The following LRMDA variants were observed in gnomAD, a reference collection of about 807,000 sequenced individuals.
LRMDA encodes the protein leucine-rich melanocyte differentiation-associated protein.
In LRMDA, 18 loss-of-function variants were observed where a neutral mutation model predicts 29.8. That is an observed-to-expected ratio of 0.60 (90% confidence interval 0.42 to 0.90). The LOEUF (loss-of-function observed/expected upper bound fraction) is 0.90. Among genes scored for constraint, LRMDA ranks in the 40% least tolerant of loss-of-function variants. LRMDA has a pLI of 0.00. For missense variants in LRMDA, 273 were observed against 273.9 expected (o/e 1.00, Z 0.02); for synonymous variants, 125 against 109.4 (o/e 1.14, Z -0.89).
chr10:75,483,843 A>T (rs1480947676), intron 2 of LRMDA, among the ~76,000 whole-genome samples: 1 of 129,878 alleles, frequency 7.7e-6, no homozygotes, highest in Non-Finnish European at 1.7e-5. Flanking sequence ...TTCCTTCTGT[A>T]ATTGCATTGG....
rs1216185024 is a variant in LRMDA at position 76,298,092 on chromosome 10, T to C, written c.517-26309T>C. Among the ~76,000 whole-genome samples, 3 of 152,368 alleles carry C rather than the reference T, an allele frequency of 2.0e-5. No individual in the cohort carries two copies. The East Asian group carries it at 5.8e-4, about 29-fold the overall frequency. ...CTGGTGCCATGCAGCCAGCCCACCA[T>C]GCATGCCTTGCGAGCAACAAAAGCA... On this transcript the variant is annotated intron_variant, in intron 5 of 6. Transcript: ENST00000611255.
At chr10:76,098,306 G>A (rs1182534720) in intron 5 of LRMDA, among the ~76,000 whole-genome samples, 1 of 152,110 alleles carries the variant, frequency 6.6e-6, no homozygotes, top group African/African-American at 2.4e-5. Flanking sequence ...TAGACATGTA[G>A]TTTTTTATCA....
intron 2 of LRMDA, among the ~76,000 whole-genome samples, chr10:75,954,098 C>G (rs1349671028): frequency 6.6e-6 from 1 of 152,230 alleles, no homozygotes; most frequent in Non-Finnish European, 1.5e-5. Flanking sequence ...AGCCAGCAGC[C>G]AGCAAGGAGT....
chr10:76,505,457 T>A (rs116183470), intron 6 of LRMDA, among the ~76,000 whole-genome samples: 1 of 152,114 alleles, frequency 6.6e-6, no homozygotes, highest in Non-Finnish European at 1.5e-5. Context: ...TTGTTCATTT[T>A]TTAAAAATTA....
chr10:76,038,684 A>T (rs1848292807), intron 3 of LRMDA, among the ~76,000 whole-genome samples: 1 of 151,898 alleles, frequency 6.6e-6, no homozygotes, highest in Non-Finnish European at 1.5e-5. Flanking sequence ...CAGCTAAATG[A>T]CTCTCCTACC....
rs553709804 is a variant in LRMDA, at chr10:76,221,116, G to A, written c.517-103285G>A. ...TCAATAAATTAGGTATTGATGGGAC[G>A]TATCTCAAAATAATAAGAGCTATCT... On this transcript the variant is annotated intron_variant, in intron 5 of 6. Transcript: ENST00000611255. Among the ~76,000 whole-genome samples, 1,360 of 151,536 alleles carry A rather than the reference G, an allele frequency of 9.0e-3. 14 individuals are homozygous for A. Among genetic ancestry groups the A allele is most frequent in the Middle Eastern group, 0.031 (9 of 294 alleles).
At chr10:75,458,578 G>A (rs556453185) in intron 2 of LRMDA, among the ~76,000 whole-genome samples, 85 of 152,232 alleles carry the variant, frequency 5.6e-4, no homozygotes, top group African/African-American at 1.9e-3. Context: ...AAAGCCAAAC[G>A]TCAGAGTAAA....
At chr10:75,727,185 C>T (rs1842640851) in intron 2 of LRMDA, among the ~76,000 whole-genome samples, 1 of 152,158 alleles carries the variant, frequency 6.6e-6, no homozygotes, top group Non-Finnish European at 1.5e-5. Context: ...CCATCCTTCA[C>T]CTGATTTTTC....
At chr10:75,995,076 T>C (rs192526333) in intron 2 of LRMDA, among the ~76,000 whole-genome samples, 238 of 152,330 alleles carry the variant, frequency 1.6e-3, no homozygotes, top group African/African-American at 5.5e-3. Context: ...AAACTTTTCT[T>C]GGAGAGTTAG....
At chr10:76,351,536 ATCT>A (rs1841176269) in intron 6 of LRMDA, among the ~76,000 whole-genome samples, 1 of 151,990 alleles carries the variant, frequency 6.6e-6, no homozygotes, top group East Asian at 1.9e-4. Flanking sequence ...TTTCTGCCTC[ATCT>A]TCTTCACCCC....
intron 2 of LRMDA, among the ~76,000 whole-genome samples, chr10:75,736,352 G>A (rs1428720113): frequency 1.3e-5 from 2 of 152,204 alleles, no homozygotes; most frequent in African/African-American, 4.8e-5. Flanking sequence ...AGTATTGATG[G>A]GGAGGGTGGT....
intron 2 of LRMDA, among the ~76,000 whole-genome samples, chr10:75,936,459 G>A (rs1846295002): frequency 6.6e-6 from 1 of 151,970 alleles, no homozygotes; most frequent in Non-Finnish European, 1.5e-5. Context: ...GTGGTTTTAG[G>A]CCTATTTGCA....
chr10:76,451,484 C>T (rs1022934703), intron 6 of LRMDA, among the ~76,000 whole-genome samples: 6 of 152,034 alleles, frequency 3.9e-5, no homozygotes, highest in African/African-American at 9.7e-5. Flanking sequence ...GGATTACAGG[C>T]GTGAGCCACT....
chr10:75,547,106 A>G (rs1247671121), intron 2 of LRMDA, among the ~76,000 whole-genome samples: 2 of 152,196 alleles, frequency 1.3e-5, no homozygotes, highest in Non-Finnish European at 2.9e-5. Flanking sequence ...TTGAGAAGAA[A>G]TAGATCATTT....
At chr10:75,799,640 A>G (rs956776501) in intron 2 of LRMDA, among the ~76,000 whole-genome samples, 74 of 149,918 alleles carry the variant, frequency 4.9e-4, no homozygotes, top group African/African-American at 1.8e-3. Flanking sequence ...TCAGCCTCCC[A>G]AGTAGCTGAG....
chr10:75,439,589 G>A (rs979017619), intron 2 of LRMDA, among the ~76,000 whole-genome samples: 7 of 152,188 alleles, frequency 4.6e-5, no homozygotes, highest in Non-Finnish European at 7.3e-5. Flanking sequence ...GATGCTGCTC[G>A]GGAGCACATG....
In LRMDA at chr10:76,559,520, T is replaced by C. The variant is rs1262502698; in HGVS notation, c.*2232T>C. ...CTTTGTTTCTCTTAAGCAGGGATAG[T>C]GATAATGAAGTGCTGGGTTGGTTAC... On this transcript the variant is annotated 3_prime_UTR_variant, in exon 7 of 7. Coordinates refer to ENST00000611255, the MANE Select transcript of LRMDA (RefSeq NM_001305581.2). 1.3e-5 allele frequency: 2 copies of C among 152,236 alleles called. No homozygotes were observed. The highest frequency in any genetic ancestry group is 4.8e-5 in the African/African-American group (2 of 41,468). 9.4% of individuals were successfully genotyped at this position (152,236 alleles called of 1,614,324 possible).
chr10:76,127,879 A>G (rs971894107), intron 5 of LRMDA, among the ~76,000 whole-genome samples: 3 of 152,174 alleles, frequency 2.0e-5, no homozygotes, highest in South Asian at 2.1e-4. Flanking sequence ...CTAAGCCTAT[A>G]TGGAAAGAGC....
chr10:75,439,795 A>T (rs1272192662), intron 2 of LRMDA, among the ~76,000 whole-genome samples: 1 of 152,110 alleles, frequency 6.6e-6, no homozygotes, highest in Non-Finnish European at 1.5e-5. Context: ...ACTCTAGAGA[A>T]ATGAAGGATG....
Sources: gnomAD v4.1 joint callset for allele counts (sites outside exome capture counted in the v4.1 genomes callset) on GRCh38, gnomAD v4.1.1 for gene constraint, MANE v1.5 for transcripts, NCBI Gene and HGNC (gene_info 2026-07-23, HGNC 2026-07-21) for gene names.